Variants in VPS13B observed in about 807,000 individuals in gnomAD.
VPS13B encodes the protein vacuolar protein sorting 13 homolog B.
A neutral mutation model predicts 426.4 loss-of-function variants in VPS13B; 285 were observed. The observed-to-expected ratio is 0.67, with a 90% CI of 0.61 to 0.74. VPS13B has a LOEUF of 0.74. VPS13B is among the 30% of genes least tolerant of loss of function. The pLI, the probability that VPS13B is intolerant of heterozygous loss-of-function variation, is 0.00. For synonymous variants in VPS13B, 1,676 were observed against 1,676.4 expected, an observed-to-expected ratio of 1.00 and a Z score of 0.01; for missense variants, 4,537 against 4,782.6, an observed-to-expected ratio of 0.95 and a Z score of 1.51.
intron 50 of VPS13B, among the ~76,000 whole-genome samples, chr8:99,823,441 A>AC (rs1282840492): frequency 6.6e-6 from 1 of 152,052 alleles, no homozygotes; most frequent in Admixed American, 6.6e-5. Flanking sequence ...CTGCTGGGAG[A>AC]CCATGAGGAG....
chr8:99,673,711 C>CA (rs1830810137), intron 35 of VPS13B, among the ~76,000 whole-genome samples: 1 of 151,812 alleles, frequency 6.6e-6, no homozygotes, highest in African/African-American at 2.4e-5. Context: ...TATTTTAGCT[C>CA]TTTCTTCATT....
At chr8:99,636,093 T>C (rs1252371165) in intron 33 of VPS13B, among the ~76,000 whole-genome samples, 1 of 151,974 alleles carries the variant, frequency 6.6e-6, no homozygotes, top group African/African-American at 2.4e-5. Flanking sequence ...TTGACATGTT[T>C]TCCTAGCTAT....
intron 39 of VPS13B, among the ~76,000 whole-genome samples, chr8:99,757,569 C>G (rs1039708154): frequency 6.6e-6 from 1 of 152,128 alleles, no homozygotes; most frequent in Non-Finnish European, 1.5e-5. Context: ...CAGTCATAAC[C>G]CTGCTAACAG....
chr8:99,871,734 G>T, intron 61 of VPS13B, 37 bp downstream of exon 61: 1 of 1,611,752 alleles, frequency 6.2e-7, no homozygotes, highest in Non-Finnish European at 8.5e-7. Context: ...AGACTAGCTG[G>T]CCAGGGAGGT....
intron 56 of VPS13B, among the ~76,000 whole-genome samples, chr8:99,857,163 A>G (rs996577333): frequency 6.6e-6 from 1 of 152,220 alleles, no homozygotes; most frequent in Non-Finnish European, 1.5e-5. Flanking sequence ...TGGCCTACAC[A>G]TAGCCCTTCT....
chr8:99,752,759 C>CTA (rs1810462932), intron 39 of VPS13B, among the ~76,000 whole-genome samples: 1 of 152,130 alleles, frequency 6.6e-6, no homozygotes, highest in African/African-American at 2.4e-5. Context: ...TATTAAGAAC[C>CTA]TATTATCTAC....
intron 36 of VPS13B, 82 bp downstream of exon 36, chr8:99,700,014 T>G (rs1832200808): frequency 6.6e-7 from 1 of 1,517,164 alleles, no homozygotes; most frequent in Admixed American, 2.1e-5. Context: ...TTTTGAAGAT[T>G]TATATTATGT....
rs907803717 is a variant in VPS13B, at chr8:99,038,553, A to C, written c.278A>C (p.Lys93Thr). ...INTMECILKL[K>T]DGIQDDHESC... ...ACTATGGAATGCATTTTGAAACTTA[A>C]GGATGGGATACAGGTAAGAAATTAT... The change falls in exon 3 of 62, where the codon AAG (lysine) becomes ACG (threonine). Residue 93 changes from lysine to threonine, a missense_variant. Transcript: ENST00000357162. 6.2e-7 allele frequency: 1 copy of C among 1,612,756 alleles called. No individual in the cohort carries two copies.
chr8:99,270,909 T>C (rs752637459), intron 17 of VPS13B, among the ~76,000 whole-genome samples: 70 of 152,198 alleles, frequency 4.6e-4, no homozygotes, highest in Non-Finnish European at 6.0e-4. Flanking sequence ...AGATGTTAAA[T>C]AGAGTAGCTC....
intron 33 of VPS13B, among the ~76,000 whole-genome samples, chr8:99,638,027 G>A (rs1420858643): frequency 6.6e-6 from 1 of 152,004 alleles, no homozygotes; most frequent in Non-Finnish European, 1.5e-5. Flanking sequence ...CTTTTCACAT[G>A]TTATGTGAGA....
chr8:99,545,452 A>G (rs1363556039), intron 30 of VPS13B, among the ~76,000 whole-genome samples: 2 of 152,052 alleles, frequency 1.3e-5, no homozygotes, highest in Non-Finnish European at 2.9e-5. Context: ...CTACACTATG[A>G]CTCAAGGAAT....
chr8:99,320,012 T>C (rs1433077306), intron 19 of VPS13B, among the ~76,000 whole-genome samples: 1 of 152,220 alleles, frequency 6.6e-6, no homozygotes. Flanking sequence ...TGTCACACTC[T>C]GTTCCAATAT....
In VPS13B at chr8:99,511,198, TAACATC is replaced by T; in HGVS notation, c.4322_4327del (p.Thr1441_Ser1442del). On this transcript the variant is annotated inframe_deletion, in exon 29 of 62. Coordinates refer to ENST00000357162, the MANE Select transcript of VPS13B (RefSeq NM_152564.5). ...GTAACAAAAAATGTCCGCCACAAGT[TAACATC>T]AAGAAATGAGCGAAGAAGTTTTCAT... The T allele has an allele frequency of 6.2e-7, 1 of 1,614,102 alleles. No homozygotes were observed. Among genetic ancestry groups the T allele is most frequent in the Non-Finnish European group, 8.5e-7 (1 of 1,180,000 alleles).
chr8:99,056,716 A>T (rs1199973923), intron 3 of VPS13B, among the ~76,000 whole-genome samples: 1 of 152,102 alleles, frequency 6.6e-6, no homozygotes, highest in Non-Finnish European at 1.5e-5. Context: ...TGGAGGTGGC[A>T]GGGGGTGAAA....
At chr8:99,757,974 A>T (rs573400469) in intron 39 of VPS13B, among the ~76,000 whole-genome samples, 3 of 152,340 alleles carry the variant, frequency 2.0e-5, no homozygotes, top group African/African-American at 7.2e-5. Flanking sequence ...ACTTCCCATG[A>T]CTCAGTACTA....
intron 24 of VPS13B, among the ~76,000 whole-genome samples, chr8:99,473,736 A>G (rs544584634): frequency 7.9e-5 from 12 of 152,332 alleles, no homozygotes; most frequent in African/African-American, 2.6e-4. Context: ...TGCATGTAAC[A>G]TATTTTATAG....
intron 31 of VPS13B, among the ~76,000 whole-genome samples, chr8:99,568,588 G>C (rs1381237710): frequency 2.0e-5 from 3 of 151,914 alleles, no homozygotes; most frequent in African/African-American, 7.3e-5. Flanking sequence ...ACCATGCCTG[G>C]CCAACTATTT....
intron 3 of VPS13B, among the ~76,000 whole-genome samples, chr8:99,085,597 C>G (rs1248158037): frequency 6.6e-6 from 1 of 152,108 alleles, no homozygotes; most frequent in Non-Finnish European, 1.5e-5. Flanking sequence ...ACTGGTTTTT[C>G]CTTTCCATGT....
At chr8:99,807,716 T>A (rs1362889248) in intron 43 of VPS13B, among the ~76,000 whole-genome samples, 3 of 134,652 alleles carry the variant, frequency 2.2e-5, no homozygotes, top group Non-Finnish European at 5.4e-5. Context: ...CGCACACGTG[T>A]GTTTTCTTAG....
Sources: allele counts gnomAD v4.1 joint callset (sites outside exome capture counted in the v4.1 genomes callset), GRCh38; gene constraint gnomAD v4.1.1; transcripts MANE v1.5; gene names NCBI Gene and HGNC (gene_info 2026-07-23, HGNC 2026-07-21).